The following ADAMTS12 variants were observed in gnomAD, a reference collection of about 807,000 sequenced individuals.
ADAMTS12 encodes the protein ADAM metallopeptidase with thrombospondin type 1 motif 12, also known as A disintegrin and metalloproteinase with thrombospondin motifs 12.
A neutral mutation model predicts 167.8 loss-of-function variants in ADAMTS12; 118 were observed. The ratio of observed to expected loss-of-function variants is 0.70; its 90% CI spans 0.61 to 0.82. The LOEUF (loss-of-function observed/expected upper bound fraction) is 0.82. Among genes scored for constraint, ADAMTS12 ranks in the 40% least tolerant of loss-of-function variants. ADAMTS12 has a pLI of 0.00. For synonymous variants in ADAMTS12, 704 were observed against 716.9 expected (o/e 0.98, Z 0.29); for missense variants, 1,916 against 1,998.8 (o/e 0.96, Z 0.79).
chr5:33,583,045 A>G (rs1032684500), intron 18 of ADAMTS12, among the ~76,000 whole-genome samples: 1 of 152,164 alleles, frequency 6.6e-6, no homozygotes, highest in Non-Finnish European at 1.5e-5. Flanking sequence ...ATTATTGACT[A>G]TAGTCACCTC....
intron 5 of ADAMTS12, among the ~76,000 whole-genome samples, chr5:33,679,992 G>C (rs1273489447): frequency 6.6e-6 from 1 of 152,220 alleles, no homozygotes; most frequent in Non-Finnish European, 1.5e-5. Context: ...CTGTTGTTGA[G>C]CTGCTTATTA....
At chr5:33,532,755 G>A (rs1744180801) in intron 23 of ADAMTS12, among the ~76,000 whole-genome samples, 1 of 152,160 alleles carries the variant, frequency 6.6e-6, no homozygotes, top group South Asian at 2.1e-4. Context: ...TCTAAAAGAA[G>A]TAAAATGACC....
chr5:33,873,382 G>C (rs1750112537), intron 2 of ADAMTS12, among the ~76,000 whole-genome samples: 1 of 151,726 alleles, frequency 6.6e-6, no homozygotes, highest in Non-Finnish European at 1.5e-5. Flanking sequence ...TCTATATGAG[G>C]GAAAATACAA....
intron 2 of ADAMTS12, among the ~76,000 whole-genome samples, chr5:33,821,807 A>AC (rs1248230907): frequency 1.3e-5 from 2 of 152,154 alleles, no homozygotes. Flanking sequence ...TAATTACCCA[A>AC]CATCACCCTT....
At chr5:33,844,943 A>G (rs1748889259) in intron 2 of ADAMTS12, among the ~76,000 whole-genome samples, 1 of 152,200 alleles carries the variant, frequency 6.6e-6, no homozygotes, top group South Asian at 2.1e-4. Context: ...TACTGGGGGC[A>G]GGTTCCCCGA....
At chr5:33,641,472 T>C (rs1173925988) in intron 11 of ADAMTS12, among the ~76,000 whole-genome samples, 1 of 152,218 alleles carries the variant, frequency 6.6e-6, no homozygotes, top group African/African-American at 2.4e-5. Context: ...ACTGATAAAA[T>C]TGAGTTATTT....
chr5:33,534,707 G>A (rs1271115154), intron 23 of ADAMTS12, 126 bp downstream of exon 23: 4 of 1,290,184 alleles, frequency 3.1e-6, no homozygotes, highest in Non-Finnish European at 4.2e-6. Context: ...AGGGTTACTG[G>A]TTGACCTCTT....
chr5:33,642,749 GT>G (rs1740509630), intron 10 of ADAMTS12, among the ~76,000 whole-genome samples: 2 of 152,188 alleles, frequency 1.3e-5, no homozygotes, highest in East Asian at 3.9e-4. Context: ...TTCCTCTTGT[GT>G]TTTTTCTGGC....
intron 19 of ADAMTS12, among the ~76,000 whole-genome samples, chr5:33,564,682 G>A (rs2111904971): frequency 6.6e-6 from 1 of 152,262 alleles, no homozygotes; most frequent in African/African-American, 2.4e-5. Flanking sequence ...GGCACCATTG[G>A]CATTTGGGAC....
At chr5:33,622,295 T>A (rs544647913) in intron 14 of ADAMTS12, among the ~76,000 whole-genome samples, 32 of 152,236 alleles carry the variant, frequency 2.1e-4, no homozygotes, top group Middle Eastern at 3.4e-3. Context: ...GGTTTTCAAT[T>A]GAGTTATCAT....
At chr5:33,732,079 A>G (rs144256655) in intron 3 of ADAMTS12, among the ~76,000 whole-genome samples, 5 of 152,224 alleles carry the variant, frequency 3.3e-5, no homozygotes, top group African/African-American at 7.2e-5. Flanking sequence ...AGTGATGTCT[A>G]CCCAGCACCA....
chr5:33,829,416 C>T (rs974453618), intron 2 of ADAMTS12, among the ~76,000 whole-genome samples: 1 of 152,164 alleles, frequency 6.6e-6, no homozygotes, highest in Non-Finnish European at 1.5e-5. Context: ...TTATTGCATA[C>T]TTTAAACTCA....
intron 16 of ADAMTS12, among the ~76,000 whole-genome samples, chr5:33,606,160 C>G (rs1738430229): frequency 6.6e-6 from 1 of 152,206 alleles, no homozygotes; most frequent in Non-Finnish European, 1.5e-5. Flanking sequence ...GTTGGCCAGG[C>G]TGGTCTCAAA....
At chr5:33,632,165 A>G (rs1164357441) in intron 12 of ADAMTS12, among the ~76,000 whole-genome samples, 1 of 152,228 alleles carries the variant, frequency 6.6e-6, no homozygotes, top group Non-Finnish European at 1.5e-5. Flanking sequence ...TAGATAACAC[A>G]TGTTCTCACT....
intron 23 of ADAMTS12, among the ~76,000 whole-genome samples, chr5:33,531,398 T>C (rs1744096081): frequency 6.6e-6 from 1 of 152,256 alleles, no homozygotes; most frequent in Non-Finnish European, 1.5e-5. Flanking sequence ...TTATTAAGCA[T>C]TTACCACACA....
At chr5:33,530,425 G>A (rs1490417177) in intron 23 of ADAMTS12, among the ~76,000 whole-genome samples, 1 of 152,306 alleles carries the variant, frequency 6.6e-6, no homozygotes. Flanking sequence ...CTTCCTTCCC[G>A]GGCTCTGGGA....
At chr5:33,626,662 A>C (rs1290358827) in intron 13 of ADAMTS12, among the ~76,000 whole-genome samples, 2 of 122,354 alleles carry the variant, frequency 1.6e-5, no homozygotes, top group Non-Finnish European at 3.4e-5. Flanking sequence ...GTGATGTGGT[A>C]ATGGTGGTGG....
chr5:33,779,678 T>C lies in ADAMTS12; in HGVS notation c.490-28130A>G, dbSNP rs530673682. On this transcript the variant is annotated intron_variant, in intron 2 of 23. Transcript: ENST00000504830. Reference sequence around the variant, plus strand: ...ATCCTGTCATTTGCAACAACATGGATGAACCTGAAGGACATTATACTAAGT... The same window carrying C: ...ATCCTGTCATTTGCAACAACATGGACGAACCTGAAGGACATTATACTAAGT... 1.1e-4 allele frequency among the ~76,000 whole-genome samples: 16 copies of C among 152,302 alleles called. No individual in the cohort carries two copies. The South Asian group carries it at 3.1e-3, about 30-fold the overall frequency.
chr5:33,862,061 T>C (rs1032224569), intron 2 of ADAMTS12, among the ~76,000 whole-genome samples: 4 of 151,946 alleles, frequency 2.6e-5, no homozygotes, highest in African/African-American at 9.7e-5. Context: ...CACTAAATGT[T>C]CACAGAAAAA....
Sources: allele counts gnomAD v4.1 joint callset (sites outside exome capture counted in the v4.1 genomes callset), GRCh38; gene constraint gnomAD v4.1.1; transcripts MANE v1.5; gene names NCBI Gene and HGNC (gene_info 2026-07-23, HGNC 2026-07-21).